Variants in PSD3 observed in about 807,000 individuals in gnomAD.
The protein encoded by PSD3 is pleckstrin and Sec7 domain containing 3.
A neutral mutation model predicts 105.5 loss-of-function variants in PSD3; 49 were observed. The ratio of observed to expected loss-of-function variants is 0.46; its 90% CI spans 0.37 to 0.59. The LOEUF (loss-of-function observed/expected upper bound fraction) is 0.59, where lower values mean the gene tolerates loss of function less well. Among genes scored for constraint, PSD3 ranks in the 20% least tolerant of loss-of-function variants. PSD3 has a pLI of 0.00. For missense variants in PSD3, 1,561 were observed against 1,263.8 expected (o/e 1.24, Z -3.57); for synonymous variants, 557 against 457.8 (o/e 1.22, Z -2.77).
At chr8:18,577,645 G>A (rs1802544155) in intron 12 of PSD3, among the ~76,000 whole-genome samples, 1 of 151,986 alleles carries the variant, frequency 6.6e-6, no homozygotes, top group Non-Finnish European at 1.5e-5. Flanking sequence ...ATATAAGATG[G>A]AAATTTAAAA....
chr8:18,544,146 T>G (rs973146322), intron 15 of PSD3, among the ~76,000 whole-genome samples: 2 of 118,244 alleles, frequency 1.7e-5, no homozygotes, highest in Admixed American at 1.7e-4. Flanking sequence ...CCTAGATCTC[T>G]ACAATGGAAA....
At chr8:18,599,120 G>A (rs1284282126) in intron 12 of PSD3, among the ~76,000 whole-genome samples, 1 of 151,992 alleles carries the variant, frequency 6.6e-6, no homozygotes, top group African/African-American at 2.4e-5. Flanking sequence ...TGAAAAAGAA[G>A]AACAAAGCTG....
At chr8:18,743,466 G>C (rs1663957462) in intron 9 of PSD3, among the ~76,000 whole-genome samples, 1 of 152,088 alleles carries the variant, frequency 6.6e-6, no homozygotes, top group African/African-American at 2.4e-5. Context: ...TAGATAATGA[G>C]ATAACAAGGA....
intron 2 of PSD3, among the ~76,000 whole-genome samples, chr8:18,929,024 T>C (rs996753437): frequency 1.3e-5 from 2 of 152,126 alleles, no homozygotes; most frequent in African/African-American, 4.8e-5. Flanking sequence ...TGGCCTGTGG[T>C]GATGGATGAT....
At chr8:18,948,814 T>G (rs1435042109) in intron 1 of PSD3, among the ~76,000 whole-genome samples, 1 of 152,044 alleles carries the variant, frequency 6.6e-6, no homozygotes, top group Admixed American at 6.6e-5. Flanking sequence ...ATTTGTCACT[T>G]TGACAAAGAG....
chr8:18,612,529 G>A (rs1055480446), intron 11 of PSD3, among the ~76,000 whole-genome samples: 7 of 151,922 alleles, frequency 4.6e-5, no homozygotes, highest in African/African-American at 9.7e-5. Flanking sequence ...CCCGCCACCC[G>A]CCTGGATAAT....
At chr8:18,586,508 T>C (rs1467376106) in intron 12 of PSD3, among the ~76,000 whole-genome samples, 2 of 152,132 alleles carry the variant, frequency 1.3e-5, no homozygotes, top group Non-Finnish European at 2.9e-5. Flanking sequence ...CAACTAATAA[T>C]GAAATGAGAC....
chr8:19,064,135 T>A (rs1487189661), intron 1 of PSD3, among the ~76,000 whole-genome samples: 7 of 151,554 alleles, frequency 4.6e-5, no homozygotes, highest in South Asian at 2.1e-4. Context: ...AGTGAGACTC[T>A]GTCTCAAAAA....
At position 18,784,017 on chromosome 8, in the gene PSD3, C is replaced by T. The variant is rs180778160; in HGVS notation, c.2082+15278G>A. Among the ~76,000 whole-genome samples, 535 of 152,292 alleles carry T rather than the reference C, an allele frequency of 3.5e-3. 1 individual carries two copies. Among genetic ancestry groups the T allele is most frequent in the African/African-American group, 0.012 (504 of 41,562 alleles). On this transcript the variant is annotated intron_variant, in intron 8 of 15. Transcript: ENST00000327040. ...TATTTAGGAGTATATTGTATGACTA[C>T]ATAAATGTCCTTTAATTGATTTCTA...
At chr8:18,847,727 G>T (rs1429788892) in intron 4 of PSD3, among the ~76,000 whole-genome samples, 3 of 152,184 alleles carry the variant, frequency 2.0e-5, no homozygotes, top group African/African-American at 4.8e-5. Context: ...TGGGGCCAGA[G>T]CCAAAGTCTC....
At chr8:18,694,657 T>C (rs1801162733) in intron 9 of PSD3, among the ~76,000 whole-genome samples, 1 of 151,978 alleles carries the variant, frequency 6.6e-6, no homozygotes, top group Non-Finnish European at 1.5e-5. Context: ...GGAAGCTTCT[T>C]TCACTTCTTA....
intron 1 of PSD3, among the ~76,000 whole-genome samples, chr8:19,058,563 A>G (rs1828785616): frequency 6.6e-6 from 1 of 151,580 alleles, no homozygotes; most frequent in Non-Finnish European, 1.5e-5. Context: ...ACACAGACAC[A>G]AGTCAATTTT....
chr8:18,607,904 C>T (rs551941745), intron 11 of PSD3, among the ~76,000 whole-genome samples: 24 of 151,948 alleles, frequency 1.6e-4, no homozygotes, highest in Non-Finnish European at 2.2e-4. Flanking sequence ...GGAGAAGTGC[C>T]GAGCAAAAAG....
intron 10 of PSD3, among the ~76,000 whole-genome samples, chr8:18,642,429 C>T (rs191891593): frequency 2.0e-4 from 30 of 152,224 alleles, no homozygotes; most frequent in Admixed American, 1.8e-3. Context: ...CATTAAAAAT[C>T]ATTCAGAAAC....
intron 15 of PSD3, among the ~76,000 whole-genome samples, chr8:18,544,182 A>G (rs151314700): frequency 1.9e-5 from 1 of 51,610 alleles, no homozygotes; most frequent in African/African-American, 3.6e-5. Context: ...AAAAAAAAAA[A>G]AAAAAAAAAA....
At chr8:18,996,676 A>G (rs1306771945) in intron 1 of PSD3, among the ~76,000 whole-genome samples, 1 of 151,872 alleles carries the variant, frequency 6.6e-6, no homozygotes, top group Non-Finnish European at 1.5e-5. Flanking sequence ...TGCATTTTTA[A>G]AACATCTCTT....
At chr8:19,049,018 T>A (rs1828422283) in intron 1 of PSD3, among the ~76,000 whole-genome samples, 1 of 152,208 alleles carries the variant, frequency 6.6e-6, no homozygotes, top group Admixed American at 6.5e-5. Context: ...AATCTCTTTA[T>A]AAGAACACCA....
chr8:19,007,303 G>C (rs140269208), intron 1 of PSD3, among the ~76,000 whole-genome samples: 75 of 151,992 alleles, frequency 4.9e-4, no homozygotes, highest in African/African-American at 1.6e-3. Context: ...GACAGATAAT[G>C]CCATCTATTA....
rs76408835 is a variant in PSD3, at chr8:18,841,947, G to C, written c.1634+25727C>G. Among the ~76,000 whole-genome samples, 500 of 152,272 alleles carry C rather than the reference G, an allele frequency of 3.3e-3. 4 individuals carry two copies. Among genetic ancestry groups the C allele is most frequent in the African/African-American group, 0.011 (455 of 41,542 alleles). On this transcript the variant is annotated intron_variant, in intron 4 of 15. Transcript: ENST00000327040. ...TTCTAAACAATACTTCAGACCAGTG[G>C]AGAGGTAGGGAAGGAAGAGCTGCCA...
Sources: allele counts gnomAD v4.1 joint callset (sites outside exome capture counted in the v4.1 genomes callset), GRCh38; gene constraint gnomAD v4.1.1; transcripts MANE v1.5; gene names NCBI Gene and HGNC (gene_info 2026-07-23, HGNC 2026-07-21).